Variants in RNF169 observed in about 807,000 individuals in gnomAD.
RNF169 encodes E3 ubiquitin-protein ligase RNF169.
In RNF169, 24 loss-of-function variants were observed where a neutral mutation model predicts 53.9. The observed-to-expected ratio is 0.45, with a 90% CI of 0.32 to 0.63. The LOEUF (loss-of-function observed/expected upper bound fraction) is 0.63. Among genes scored for constraint, RNF169 ranks in the 20% least tolerant of loss-of-function variants. The pLI is 0.04. For missense variants in RNF169, 883 were observed against 906.2 expected, an observed-to-expected ratio of 0.97 and a Z score of 0.33; for synonymous variants, 396 against 363.5, an observed-to-expected ratio of 1.09 and a Z score of -1.02.
At chr11:74,814,623 T>C (rs1269965304) in intron 3 of RNF169, among the ~76,000 whole-genome samples, 1 of 151,914 alleles carries the variant, frequency 6.6e-6, no homozygotes, top group Non-Finnish European at 1.5e-5. Flanking sequence ...ACTCCGGGGC[T>C]CAAGTGATCC....
At chr11:74,801,918 C>T (rs1276614599) in intron 2 of RNF169, among the ~76,000 whole-genome samples, 4 of 152,274 alleles carry the variant, frequency 2.6e-5, no homozygotes, top group South Asian at 4.1e-4. Flanking sequence ...GTTTGAGAAC[C>T]GTTGGCCCAG....
intron 1 of RNF169, among the ~76,000 whole-genome samples, chr11:74,784,559 G>A (rs2135071265): frequency 6.6e-6 from 1 of 152,354 alleles, no homozygotes; most frequent in Admixed American, 6.5e-5. Flanking sequence ...ATACCCTAGC[G>A]AGGAGTTGTG....
At chr11:74,793,716 T>A (rs2035610018) in intron 2 of RNF169, among the ~76,000 whole-genome samples, 2 of 152,238 alleles carry the variant, frequency 1.3e-5, no homozygotes, top group African/African-American at 4.8e-5. Flanking sequence ...CTAAATTTTA[T>A]CATTCTGTGA....
chr11:74,797,852 C>G (rs1259441791), intron 2 of RNF169, among the ~76,000 whole-genome samples: 1 of 152,146 alleles, frequency 6.6e-6, no homozygotes, highest in East Asian at 1.9e-4. Context: ...GAAGCCATGG[C>G]AGAAGAACAT....
At chr11:74,830,139 G>C (rs1289970962) in intron 4 of RNF169, among the ~76,000 whole-genome samples, 1 of 152,090 alleles carries the variant, frequency 6.6e-6, no homozygotes, top group Non-Finnish European at 1.5e-5. Context: ...TAAACACACA[G>C]AGTAGACTAA....
chr11:74,796,083 T>G (rs2035645329), intron 2 of RNF169, among the ~76,000 whole-genome samples: 1 of 152,238 alleles, frequency 6.6e-6, no homozygotes, highest in Non-Finnish European at 1.5e-5. Flanking sequence ...AGCATTTATG[T>G]TAATCGACCA....
chr11:74,831,496 A>G (rs2036177150), intron 4 of RNF169: 1 of 152,214 alleles, frequency 6.6e-6, no homozygotes, highest in Admixed American at 6.5e-5. Context: ...ATTAAAGAAG[A>G]TCTAACTAAG....
intron 3 of RNF169, among the ~76,000 whole-genome samples, chr11:74,813,708 A>C (rs1050488354): frequency 1.3e-5 from 2 of 152,058 alleles, no homozygotes; most frequent in Non-Finnish European, 2.9e-5. Context: ...TTCTTTTTTG[A>C]GACGGAGTCT....
Position 74,753,739 on chromosome 11 carries a change from G to A in RNF169, c.502+4357G>A, listed in dbSNP as rs1037500243. Among the ~76,000 whole-genome samples the A allele has an allele frequency of 1.1e-4, 17 of 151,896 alleles. 1 individual carries two copies. Among genetic ancestry groups the A allele is most frequent in the African/African-American group, 3.9e-4 (16 of 41,430 alleles). On this transcript the variant is annotated intron_variant, in intron 1 of 5. Transcript: ENST00000299563. The stretch of plus-strand genomic sequence containing the variant: ...TTCTTAATTTTTTTTTTATTTTGTT[G>A]AAGTCCAGTGCCTCTTTAGGAATTG...
At chr11:74,801,062 G>T (rs76529403) in intron 2 of RNF169, among the ~76,000 whole-genome samples, 3,454 of 152,236 alleles carry the variant, frequency 0.023, 150 homozygotes, top group African/African-American at 0.079. Context: ...TAAATATTTA[G>T]ATACGCTTAA....
At chr11:74,780,840 A>C (rs1209915244) in intron 1 of RNF169, among the ~76,000 whole-genome samples, 2 of 152,202 alleles carry the variant, frequency 1.3e-5, no homozygotes, top group African/African-American at 4.8e-5. Context: ...ATGAGAGTGC[A>C]GCTATTAAGA....
chr11:74,768,236 A>G (rs1446159499), intron 1 of RNF169, among the ~76,000 whole-genome samples: 2 of 152,180 alleles, frequency 1.3e-5, no homozygotes, highest in African/African-American at 2.4e-5. Flanking sequence ...CACTAGGGTA[A>G]AGGTGTCATT....
At chr11:74,777,735 C>T (rs2035357488) in intron 1 of RNF169, among the ~76,000 whole-genome samples, 1 of 151,898 alleles carries the variant, frequency 6.6e-6, no homozygotes, top group South Asian at 2.1e-4. Flanking sequence ...GCAGCCTTGA[C>T]CTTCCGCCTT....
intron 1 of RNF169, among the ~76,000 whole-genome samples, chr11:74,788,506 C>T (rs1262781584): frequency 6.6e-6 from 1 of 152,116 alleles, no homozygotes; most frequent in African/African-American, 2.4e-5. Context: ...GATTGTCCTG[C>T]CTCAGCCTCT....
intron 1 of RNF169, among the ~76,000 whole-genome samples, chr11:74,771,564 T>C (rs1049612562): frequency 1.3e-5 from 2 of 151,800 alleles, no homozygotes; most frequent in African/African-American, 2.4e-5. Context: ...ATTAGCCAGG[T>C]ATGTTGGTGC....
chr11:74,798,109 T>C (rs192622253), intron 2 of RNF169, among the ~76,000 whole-genome samples: 125 of 152,274 alleles, frequency 8.2e-4, no homozygotes, highest in African/African-American at 2.8e-3. Flanking sequence ...GCACAAGTTG[T>C]AGAGCATGTG....
In RNF169 at chr11:74,836,088, A is replaced by G. The variant is rs1237180762; in HGVS notation, c.1485A>G (p.Gly495=). The G allele has an allele frequency of 1.9e-6, 3 of 1,614,134 alleles. No individual in the cohort carries two copies. Among genetic ancestry groups the G allele is most frequent in the East Asian group, 4.5e-5 (2 of 44,884 alleles). ...SGGQVLSEYT[G]PTSADLDHFP... Reference sequence around the variant, plus strand: ...GGCAGGTCCTCTCTGAGTATACTGGACCCACCTCTGCTGATCTTGATCATT... The same window carrying G: ...GGCAGGTCCTCTCTGAGTATACTGGGCCCACCTCTGCTGATCTTGATCATT... Residue 495 remains glycine (G), a synonymous_variant, in exon 6 of 6, where the codon GGA becomes GGG. Coordinates refer to ENST00000299563, the MANE Select transcript of RNF169 (RefSeq NM_001098638.2).
intron 4 of RNF169, among the ~76,000 whole-genome samples, chr11:74,822,326 T>C (rs1351478450): frequency 6.6e-6 from 1 of 152,218 alleles, no homozygotes; most frequent in Admixed American, 6.5e-5. Flanking sequence ...TCCAGCTGCA[T>C]GTTTATACTG....
At chr11:74,768,606 TA>T (rs35118389) in intron 1 of RNF169, among the ~76,000 whole-genome samples, 1,423 of 131,196 alleles carry the variant, frequency 0.011, 4 homozygotes, top group Middle Eastern at 0.019. Flanking sequence ...GACTCTGTCT[TA>T]AAAAAAAAAA....
Sources: allele counts gnomAD v4.1 joint callset (sites outside exome capture counted in the v4.1 genomes callset), GRCh38; gene constraint gnomAD v4.1.1; transcripts MANE v1.5; gene names NCBI Gene and HGNC (gene_info 2026-07-23, HGNC 2026-07-21).